Variants in BRWD1 observed in about 807,000 individuals in gnomAD.
The protein encoded by BRWD1 is bromodomain and WD repeat-containing protein 1.
BRWD1 carries 82 observed loss-of-function variants against 251.2 expected under a neutral mutation model. The observed-to-expected ratio is 0.33, with a 90% CI of 0.27 to 0.39. BRWD1 has a LOEUF of 0.39. Among genes scored for constraint, BRWD1 ranks in the 10% least tolerant of loss-of-function variants. The pLI, the probability that BRWD1 is intolerant of heterozygous loss-of-function variation, is 1.00. For synonymous variants in BRWD1, 918 were observed against 902.8 expected, an observed-to-expected ratio of 1.02 and a Z score of -0.30; for missense variants, 2,233 against 2,711.6, an observed-to-expected ratio of 0.82 and a Z score of 3.92.
Position 39,194,613 on chromosome 21 carries a change from G to A in BRWD1, c.*1646C>T. On this transcript the variant is annotated 3_prime_UTR_variant, in exon 41 of 41. Transcript: ENST00000342449. ...CCTTCCCCATGCATCAGAGTAGAAA[G>A]AAAATGTACCTTCTACTATGTCAAA... The A allele has an allele frequency of 6.6e-6, 10 of 1,515,842 alleles. No homozygotes were observed. Among genetic ancestry groups the A allele is most frequent in the Non-Finnish European group, 8.8e-6 (10 of 1,136,440 alleles). The allele number at this position is 1,515,842 out of a possible 1,614,324, so 93.9% of individuals were successfully genotyped here.
intron 4 of BRWD1, among the ~76,000 whole-genome samples, chr21:39,299,371 G>A (rs147594093): frequency 6.6e-6 from 1 of 151,958 alleles, no homozygotes; most frequent in Non-Finnish European, 1.5e-5. Flanking sequence ...TGGATAACTG[G>A]TTCTCAACAA....
At chr21:39,277,059 G>A (rs1339742285) in intron 11 of BRWD1, among the ~76,000 whole-genome samples, 192 bp downstream of exon 11, 2 of 151,958 alleles carry the variant, frequency 1.3e-5, no homozygotes, top group African/African-American at 2.4e-5. Flanking sequence ...CACAAGCAAT[G>A]ACTTATCTCA....
At chr21:39,204,741 T>C (rs974572951) in intron 37 of BRWD1, among the ~76,000 whole-genome samples, 1 of 152,208 alleles carries the variant, frequency 6.6e-6, no homozygotes, top group Non-Finnish European at 1.5e-5. Flanking sequence ...AAGACAAAAC[T>C]GTTCCACCTC....
intron 4 of BRWD1, among the ~76,000 whole-genome samples, chr21:39,300,664 C>T (rs1255858981): frequency 6.6e-6 from 1 of 152,120 alleles, no homozygotes; most frequent in Non-Finnish European, 1.5e-5. Flanking sequence ...CTACTCTTTA[C>T]ACAAAAAGTT....
Position 39,312,866 on chromosome 21 carries a change from T to TA in BRWD1, c.172_173insT (p.Glu58ValfsTer14). 1 of 1,543,658 alleles carries TA rather than the reference T, an allele frequency of 6.5e-7. No individual in the cohort carries two copies. The highest frequency in any genetic ancestry group is 8.7e-7 in the Non-Finnish European group (1 of 1,146,026). On this transcript the variant is annotated frameshift_variant, in exon 4 of 41. Transcript: ENST00000342449. LOFTEE classifies it high-confidence loss of function. ...CAACTCCTCGTAGCTCCTGTTGTGCTCGTTGCCCTCCCAGTCCAATCTCTT... is the reference window on the plus strand; with the variant it reads ...CAACTCCTCGTAGCTCCTGTTGTGCTACGTTGCCCTCCCAGTCCAATCTCTT...
At chr21:39,282,890 C>T (rs1378785127) in intron 8 of BRWD1, among the ~76,000 whole-genome samples, 2 of 146,798 alleles carry the variant, frequency 1.4e-5, no homozygotes, top group Admixed American at 7.1e-5. Flanking sequence ...ACCTGGAAGG[C>T]AGAGATTTCA....
At chr21:39,286,000 A>AAAC (rs1312574641) in intron 8 of BRWD1, among the ~76,000 whole-genome samples, 1 of 144,944 alleles carries the variant, frequency 6.9e-6, no homozygotes, top group Non-Finnish European at 1.5e-5. Flanking sequence ...ACATAACATA[A>AAAC]AACTCACCAT....
At chr21:39,220,073 T>C (rs1214863134) in intron 29 of BRWD1, among the ~76,000 whole-genome samples, 1 of 138,830 alleles carries the variant, frequency 7.2e-6, no homozygotes, top group Non-Finnish European at 1.6e-5. Context: ...TAAGTTCAAA[T>C]CACATCTATA....
intron 8 of BRWD1, among the ~76,000 whole-genome samples, chr21:39,285,279 C>CAGAAT (rs1251873073): frequency 6.6e-6 from 1 of 151,992 alleles, no homozygotes; most frequent in Non-Finnish European, 1.5e-5. Flanking sequence ...GTTGATTTCA[C>CAGAAT]AGAAGCAGAG....
At chr21:39,239,434 A>T (rs1466108030) in intron 21 of BRWD1, among the ~76,000 whole-genome samples, 1 of 152,208 alleles carries the variant, frequency 6.6e-6, no homozygotes, top group African/African-American at 2.4e-5. Context: ...TGAAAATGAT[A>T]AATTTGTCCA....
intron 29 of BRWD1, chr21:39,219,768 TGA>T (rs1601308511): frequency 6.6e-6 from 1 of 152,338 alleles, no homozygotes; most frequent in East Asian, 1.9e-4. Context: ...GTCTTTTAGC[TGA>T]GAGATGGGAA....
chr21:39,295,346 C>T (rs1179306658), intron 7 of BRWD1, among the ~76,000 whole-genome samples: 2 of 151,820 alleles, frequency 1.3e-5, no homozygotes, highest in African/African-American at 4.8e-5. Context: ...ACCACCACAC[C>T]CGGCTAATTT....
At chr21:39,314,778 G>C (rs1426453358), upstream of BRWD1, 1 of 175,198 alleles carries the variant, frequency 5.7e-6, no homozygotes, top group Non-Finnish European at 1.2e-5. Context: ...AGACTCTAGG[G>C]CAGGACTCAC....
At chr21:39,266,971 G>T (rs1430954226) in intron 15 of BRWD1, among the ~76,000 whole-genome samples, 1 of 152,080 alleles carries the variant, frequency 6.6e-6, no homozygotes, top group Non-Finnish European at 1.5e-5. Flanking sequence ...AATTAATGTA[G>T]TTTTTTGTTT....
At chr21:39,280,341 C>A in intron 8 of BRWD1, 93 bp from the exon 9 acceptor site, 1 of 982,734 alleles carries the variant, frequency 1.0e-6, no homozygotes, top group South Asian at 1.6e-5. Context: ...TTGACAGTTT[C>A]AGGAAATAAA....
chr21:39,293,228 C>G (rs1265728365), intron 8 of BRWD1, among the ~76,000 whole-genome samples: 1 of 152,182 alleles, frequency 6.6e-6, no homozygotes, highest in Admixed American at 6.5e-5. Flanking sequence ...GGCACGGTGG[C>G]TCACGCCTGT....
rs530082130 is a variant in BRWD1 at position 39,187,048 on chromosome 21, G to A, written c.*9211C>T. On this transcript the variant is annotated 3_prime_UTR_variant, in exon 41 of 41. Coordinates refer to ENST00000342449, the MANE Select transcript of BRWD1 (RefSeq NM_033656.4). ...TCACTATTGTGCATTTTCTTTCCAGGATCTGAACCCCCTTAAAAAAAGCAT... is the reference window on the plus strand; with the variant it reads ...TCACTATTGTGCATTTTCTTTCCAGAATCTGAACCCCCTTAAAAAAAGCAT... 44 of 1,573,090 alleles carry A rather than the reference G, an allele frequency of 2.8e-5. No homozygotes were observed. The South Asian group carries it at 4.1e-4, about 15-fold the overall frequency.
chr21:39,271,590 G>A (rs566356195), intron 13 of BRWD1, among the ~76,000 whole-genome samples: 8 of 150,948 alleles, frequency 5.3e-5, no homozygotes, highest in African/African-American at 1.5e-4. Flanking sequence ...CCTACTACTC[G>A]GGAGGCTGAG....
At chr21:39,297,014 T>A (rs544607025) in intron 5 of BRWD1, 3 of 985,270 alleles carry the variant, frequency 3.0e-6, no homozygotes, top group Non-Finnish European at 3.6e-6. Flanking sequence ...TTCCCTTCAT[T>A]GTAGGATCAC....
Sources: gnomAD v4.1 joint callset for allele counts (sites outside exome capture counted in the v4.1 genomes callset) on GRCh38, gnomAD v4.1.1 for gene constraint, MANE v1.5 for transcripts, NCBI Gene and HGNC (gene_info 2026-07-23, HGNC 2026-07-21) for gene names.